The following GADL1 variants were observed in gnomAD, a reference collection of about 807,000 sequenced individuals.
The protein encoded by GADL1 is acidic amino acid decarboxylase GADL1.
A neutral mutation model predicts 69.5 loss-of-function variants in GADL1; 71 were observed. The observed-to-expected ratio is 1.02, with a 90% CI of 0.84 to 1.25. The LOEUF is 1.25. Ranked by LOEUF, GADL1 falls within the 50% of genes most tolerant of loss-of-function variation. The pLI, the probability that GADL1 is intolerant of heterozygous loss-of-function variation, is 0.00. For missense variants in GADL1, 737 were observed against 631.8 expected (o/e 1.17, Z -1.79); for synonymous variants, 254 against 214.4 (o/e 1.18, Z -1.62).
intron 11 of GADL1, among the ~76,000 whole-genome samples, chr3:30,823,922 CTG>C (rs760674322): frequency 4.6e-5 from 7 of 151,692 alleles, no homozygotes; most frequent in Admixed American, 6.6e-5. Flanking sequence ...TCAGAAGAAA[CTG>C]TACACAATGA....
chr3:30,777,821 T>TA (rs1696570592), intron 14 of GADL1, among the ~76,000 whole-genome samples: 1 of 152,206 alleles, frequency 6.6e-6, no homozygotes, highest in African/African-American at 2.4e-5. Flanking sequence ...TAACATTATT[T>TA]CCAAGTAAGG....
At chr3:30,816,547 T>C (rs1190987936) in intron 11 of GADL1, among the ~76,000 whole-genome samples, 6 of 77,970 alleles carry the variant, frequency 7.7e-5, no homozygotes, top group Admixed American at 2.2e-4. Flanking sequence ...TTTTTTTTTT[T>C]TTTTTTTTTT....
At chr3:30,793,927 G>T (rs576273785) in intron 12 of GADL1, among the ~76,000 whole-genome samples, 1 of 152,074 alleles carries the variant, frequency 6.6e-6, no homozygotes, top group African/African-American at 2.4e-5. Flanking sequence ...TCTGCTTTCC[G>T]TATGCTCTGC....
chr3:30,870,546 CAG>C (rs1698465738), intron 1 of GADL1, among the ~76,000 whole-genome samples: 1 of 151,650 alleles, frequency 6.6e-6, no homozygotes, highest in Non-Finnish European at 1.5e-5. Flanking sequence ...GGGTTTTAAA[CAG>C]AGGAGTAACA....
intron 3 of GADL1, 88 bp downstream of exon 3, chr3:30,856,927 A>G: frequency 9.5e-7 from 1 of 1,053,596 alleles, no homozygotes; most frequent in East Asian, 2.7e-5. Flanking sequence ...CTCGTTCCAT[A>G]AGCATTGCTA....
At position 30,748,254 on chromosome 3, in the gene GADL1, C is replaced by T. The variant is rs938701605; in HGVS notation, c.1393-19839G>A. On this transcript the variant is annotated intron_variant, in intron 14 of 14. Coordinates refer to ENST00000282538, the MANE Select transcript of GADL1 (RefSeq NM_207359.3). ...GAAAATCCCACATCAACTCCTGGTT[C>T]GATTCATTTAACATTTCCTTTAGAC... Among the ~76,000 whole-genome samples, 3 of 152,132 alleles carry T rather than the reference C, an allele frequency of 2.0e-5. No homozygotes were observed. The East Asian group carries it at 5.8e-4, about 29-fold the overall frequency.
intron 11 of GADL1, among the ~76,000 whole-genome samples, chr3:30,822,518 A>G (rs1285133989): frequency 6.6e-6 from 1 of 152,066 alleles, no homozygotes; most frequent in African/African-American, 2.4e-5. Flanking sequence ...GGATAAAGAA[A>G]GCAAGATGCT....
intron 12 of GADL1, chr3:30,800,663 G>T: frequency 1.8e-6 from 1 of 551,268 alleles, no homozygotes. Context: ...GGAGGTGATA[G>T]GACTGCTCTG....
At chr3:30,873,882 C>T (rs1698537626) in intron 1 of GADL1, among the ~76,000 whole-genome samples, 1 of 151,878 alleles carries the variant, frequency 6.6e-6, no homozygotes, top group Non-Finnish European at 1.5e-5. Context: ...CATGTTGTAA[C>T]ATTCACATGT....
At chr3:30,768,088 T>C (rs1416356004) in intron 14 of GADL1, among the ~76,000 whole-genome samples, 2 of 148,482 alleles carry the variant, frequency 1.3e-5, no homozygotes, top group Non-Finnish European at 3.0e-5. Flanking sequence ...TTGAAGCTTG[T>C]GTACTCATTC....
At chr3:30,765,945 A>ATG (rs1696265603) in intron 14 of GADL1, among the ~76,000 whole-genome samples, 12 of 119,592 alleles carry the variant, frequency 1.0e-4, no homozygotes, top group Middle Eastern at 4.1e-3. Flanking sequence ...AACTGGCAAG[A>ATG]CGGGAAGAAA....
chr3:30,765,240 AGTG>A (rs1696242662), intron 14 of GADL1, among the ~76,000 whole-genome samples: 1 of 152,130 alleles, frequency 6.6e-6, no homozygotes, highest in Non-Finnish European at 1.5e-5. Flanking sequence ...ACTCATAAGA[AGTG>A]GTGGCTCTCG....
At chr3:30,729,788 T>A (rs552472838) in intron 14 of GADL1, among the ~76,000 whole-genome samples, 7 of 152,096 alleles carry the variant, frequency 4.6e-5, no homozygotes, top group Admixed American at 1.3e-4. Context: ...AACTCAACAC[T>A]TTTTTTTCCA....
chr3:30,823,219 T>G (rs1697621277), intron 11 of GADL1, among the ~76,000 whole-genome samples: 1 of 150,628 alleles, frequency 6.6e-6, no homozygotes, highest in Non-Finnish European at 1.5e-5. Flanking sequence ...ACTTTCAGAC[T>G]CAGGGAGGAC....
intron 1 of GADL1, among the ~76,000 whole-genome samples, chr3:30,875,537 G>A (rs527313464): frequency 5.7e-4 from 86 of 151,930 alleles, no homozygotes; most frequent in African/African-American, 1.7e-3. Flanking sequence ...ATCAGATGTC[G>A]CACACAACAT....
At chr3:30,737,079 A>G (rs1406670297) in intron 14 of GADL1, among the ~76,000 whole-genome samples, 1 of 152,146 alleles carries the variant, frequency 6.6e-6, no homozygotes, top group East Asian at 1.9e-4. Context: ...TCCCAAACGT[A>G]CAAGAAAATA....
intron 1 of GADL1, among the ~76,000 whole-genome samples, chr3:30,865,162 G>A (rs1359434451): frequency 6.6e-6 from 1 of 151,786 alleles, no homozygotes; most frequent in African/African-American, 2.4e-5. Flanking sequence ...TTAAACATCA[G>A]TTTCTCAGGG....
chr3:30,811,211 T>G (rs1279003347), intron 11 of GADL1, among the ~76,000 whole-genome samples: 2 of 152,204 alleles, frequency 1.3e-5, no homozygotes, highest in Non-Finnish European at 2.9e-5. Context: ...AACTAAGGGT[T>G]AGAATGAGCT....
chr3:30,811,087 C>G (rs1168616448), intron 11 of GADL1, among the ~76,000 whole-genome samples: 1 of 152,128 alleles, frequency 6.6e-6, no homozygotes, highest in African/African-American at 2.4e-5. Context: ...TTCTAGAAAG[C>G]TTTAAGTTTC....
Sources: allele counts gnomAD v4.1 joint callset (sites outside exome capture counted in the v4.1 genomes callset), GRCh38; gene constraint gnomAD v4.1.1; transcripts MANE v1.5; gene names NCBI Gene and HGNC (gene_info 2026-07-23, HGNC 2026-07-21).